Variants in ABCC2 observed in about 807,000 individuals in gnomAD.
ABCC2 encodes ATP-binding cassette sub-family C member 2.
In ABCC2, 157 loss-of-function variants were observed where a neutral mutation model predicts 173.4. The ratio of observed to expected loss-of-function variants is 0.91; its 90% CI spans 0.80 to 1.03. The LOEUF is 1.03. Among genes scored for constraint, ABCC2 ranks in the 50% least tolerant of loss-of-function variants. The pLI, the probability that ABCC2 is intolerant of heterozygous loss-of-function variation, is 0.00. For synonymous variants in ABCC2, 657 were observed against 693.5 expected, an observed-to-expected ratio of 0.95 and a Z score of 0.83; for missense variants, 1,822 against 1,852.3, an observed-to-expected ratio of 0.98 and a Z score of 0.30.
At chr10:99,820,144 C>T (rs2038506970) in intron 19 of ABCC2, among the ~76,000 whole-genome samples, 1 of 152,220 alleles carries the variant, frequency 6.6e-6, no homozygotes, top group African/African-American at 2.4e-5. Flanking sequence ...GTAATCCCAG[C>T]ACTTTGGGAG....
At chr10:99,828,026 T>C (rs1590179497) in intron 19 of ABCC2, among the ~76,000 whole-genome samples, 1 of 143,960 alleles carries the variant, frequency 6.9e-6, no homozygotes. Flanking sequence ...GAAAGAACAG[T>C]GTCTAATGCT....
At chr10:99,797,609 G>A in intron 7 of ABCC2, 3 of 406,120 alleles carry the variant, frequency 7.4e-6, no homozygotes, top group Non-Finnish European at 1.4e-5. Flanking sequence ...TTTGCACCTT[G>A]GTACAAATTA....
At chr10:99,841,868 A>G (rs1732143898) in intron 25 of ABCC2, 99 bp from the exon 26 acceptor site, 1 of 1,569,098 alleles carries the variant, frequency 6.4e-7, no homozygotes, top group African/African-American at 1.3e-5. Context: ...CGGCCCGATC[A>G]AGTCAAACCC....
chr10:99,810,752 C>T (rs55768731), intron 14 of ABCC2, among the ~76,000 whole-genome samples: 3,354 of 152,238 alleles, frequency 0.022, 139 homozygotes, highest in African/African-American at 0.075. Context: ...TAGCCGGGTG[C>T]GGTGGCTCAT....
chr10:99,808,658 T>C (rs998385888), intron 13 of ABCC2, among the ~76,000 whole-genome samples: 6 of 152,106 alleles, frequency 3.9e-5, no homozygotes, highest in African/African-American at 1.4e-4. Flanking sequence ...CAAATGCAAA[T>C]TGAGAGCCTC....
intron 13 of ABCC2, among the ~76,000 whole-genome samples, chr10:99,809,116 G>A (rs1432375265): frequency 6.6e-6 from 1 of 152,128 alleles, no homozygotes; most frequent in East Asian, 1.9e-4. Flanking sequence ...ACTTTGGAAG[G>A]CTGAGGCAGG....
At chr10:99,824,576 T>A (rs1295705824) in intron 19 of ABCC2, among the ~76,000 whole-genome samples, 1 of 150,752 alleles carries the variant, frequency 6.6e-6, no homozygotes, top group Non-Finnish European at 1.5e-5. Context: ...GAGGTAACAC[T>A]TTCCACTGAA....
intron 5 of ABCC2, 62 bp downstream of exon 5, chr10:99,794,061 A>G (rs747805997): frequency 1.3e-5 from 19 of 1,460,526 alleles, no homozygotes; most frequent in Admixed American, 1.7e-5. Context: ...TAATGAATAT[A>G]ACTTTAAGAT....
chr10:99,800,301 T>C (rs1020376659), intron 8 of ABCC2, 85 bp from the exon 9 acceptor site: 34 of 1,391,982 alleles, frequency 2.4e-5, no homozygotes, highest in Admixed American at 3.3e-5. Context: ...AGTGTAAAGA[T>C]AGTGTAGTCT....
At chr10:99,794,327 C>A in intron 5 of ABCC2, 86 bp from the exon 6 acceptor site, 3 of 1,226,176 alleles carry the variant, frequency 2.4e-6, no homozygotes, top group Non-Finnish European at 3.6e-6. Context: ...AACATTATAT[C>A]ATTAAAAAAT....
At chr10:99,800,324 A>C in intron 8 of ABCC2, 62 bp from the exon 9 acceptor site, 1 of 1,563,818 alleles carries the variant, frequency 6.4e-7, no homozygotes, top group Non-Finnish European at 8.8e-7. Flanking sequence ...CTGGCTGTGC[A>C]TGAGGAGAGA....
intron 13 of ABCC2, among the ~76,000 whole-genome samples, 194 bp downstream of exon 13, chr10:99,808,423 A>G (rs2038151520): frequency 6.6e-6 from 1 of 152,178 alleles, no homozygotes; most frequent in South Asian, 2.1e-4. Context: ...ATCTAACTAT[A>G]AAATGAGGAT....
intron 16 of ABCC2, among the ~76,000 whole-genome samples, chr10:99,814,381 A>ATG (rs1460834943): frequency 1.5e-5 from 2 of 136,470 alleles, no homozygotes; most frequent in African/African-American, 5.6e-5. Context: ...ATATACACAT[A>ATG]TATACATATA....
At chr10:99,803,842 C>G (rs1265605049) in intron 9 of ABCC2, among the ~76,000 whole-genome samples, 177 bp from the exon 10 acceptor site, 2 of 151,556 alleles carry the variant, frequency 1.3e-5, no homozygotes, top group African/African-American at 4.8e-5. Context: ...AAAGAGTGGT[C>G]AAGAATGAGA....
chr10:99,803,038 G>A (rs539418966), intron 9 of ABCC2, among the ~76,000 whole-genome samples: 3 of 152,086 alleles, frequency 2.0e-5, no homozygotes, highest in African/African-American at 7.2e-5. Context: ...GCATGATCTC[G>A]GCTCACTGCA....
chr10:99,834,510 T>C lies in ABCC2; in HGVS notation c.3389T>C (p.Leu1130Pro), dbSNP rs779062798. The C allele has an allele frequency of 2.3e-5, 37 of 1,614,104 alleles. No individual in the cohort carries two copies. Among genetic ancestry groups the C allele is most frequent in the Non-Finnish European group, 3.0e-5 (35 of 1,180,054 alleles). The change falls in exon 24 of 32, where the codon CTT (leucine) becomes CCT (proline). Residue 1130 changes from leucine to proline, a missense_variant. Coordinates refer to ENST00000647814, the MANE Select transcript of ABCC2 (RefSeq NM_000392.5). ...TPVFTIIVIP[L>P]GIIYVSVQMF... ...GTCTTCACCATCATCGTCATTCCTC[T>C]TGGCATTATTTATGTATCTGTTCAG... is the stretch of plus-strand genomic sequence containing the variant.
At chr10:99,822,170 A>C (rs1158670481) in intron 19 of ABCC2, among the ~76,000 whole-genome samples, 2 of 152,172 alleles carry the variant, frequency 1.3e-5, no homozygotes, top group African/African-American at 4.8e-5. Flanking sequence ...ACATAGGCCC[A>C]GTAGGTATAG....
Position 99,794,625 on chromosome 10 carries a change from A to G in ABCC2, c.632+157A>G, listed in dbSNP as rs1469880681. On this transcript the variant is annotated intron_variant, in intron 6 of 31. Transcript: ENST00000647814. Reference sequence around the variant, plus strand: ...AATGGTGTGATCTTGGCTCACTGCAACCTCCACCTCCTGGGTTCAAGTGAT... The same window carrying G: ...AATGGTGTGATCTTGGCTCACTGCAGCCTCCACCTCCTGGGTTCAAGTGAT... 26 of 654,136 alleles carry G rather than the reference A, an allele frequency of 4.0e-5. No individual in the cohort carries two copies. The East Asian group carries it at 6.9e-4, about 17-fold the overall frequency. 40.5% of individuals were successfully genotyped at this position (654,136 alleles called of 1,614,324 possible).
At chr10:99,845,230 G>T (rs1304057432) in intron 28 of ABCC2, among the ~76,000 whole-genome samples, 1 of 151,944 alleles carries the variant, frequency 6.6e-6, no homozygotes, top group African/African-American at 2.4e-5. Flanking sequence ...ACGGGGTTTT[G>T]CCATATTGAC....
Sources: allele counts gnomAD v4.1 joint callset (sites outside exome capture counted in the v4.1 genomes callset), GRCh38; gene constraint gnomAD v4.1.1; transcripts MANE v1.5; gene names NCBI Gene and HGNC (gene_info 2026-07-23, HGNC 2026-07-21).